The following RANBP2 variants were observed in gnomAD, a reference collection of about 807,000 sequenced individuals.
RANBP2 encodes the protein RAN binding protein 2, also known as E3 SUMO-protein ligase RanBP2.
A neutral mutation model predicts 303.6 loss-of-function variants in RANBP2; 57 were observed. That is an observed-to-expected ratio of 0.19 (90% CI 0.15 to 0.23). The LOEUF (loss-of-function observed/expected upper bound fraction) is 0.23. Among genes scored for constraint, RANBP2 ranks in the 10% least tolerant of loss-of-function variants. The pLI is 1.00. For missense variants in RANBP2, 3,138 were observed against 3,780.8 expected, an observed-to-expected ratio of 0.83 and a Z score of 4.46; for synonymous variants, 1,167 against 1,301.5, an observed-to-expected ratio of 0.90 and a Z score of 2.23.
the RANBP2 span, among the ~76,000 whole-genome samples, chr2:109,247,878 G>C: frequency 6.6e-6 from 1 of 152,308 alleles, no homozygotes; most frequent in East Asian, 1.9e-4. Flanking sequence ...CCAAAGGCTA[G>C]CCTGGGCGTC....
At chr2:109,500,913 G>A in the RANBP2 span, among the ~76,000 whole-genome samples, 1 of 152,182 alleles carries the variant, frequency 6.6e-6, no homozygotes, top group African/African-American at 2.4e-5. Context: ...TCATACCACG[G>A]CACTCCAGCC....
At chr2:109,748,834 C>T in the RANBP2 span, among the ~76,000 whole-genome samples, 1 of 145,038 alleles carries the variant, frequency 6.9e-6, no homozygotes, top group Non-Finnish European at 1.5e-5. Context: ...GATTGTGCCA[C>T]TGCATTCTGG....
At chr2:108,740,385 A>G in intron 6 of RANBP2, 104 bp from the exon 7 acceptor site, 4 of 1,530,950 alleles carry the variant, frequency 2.6e-6, no homozygotes, top group South Asian at 2.3e-5. Context: ...AATGTGGAAG[A>G]TGAAGCTTGA....
the RANBP2 span, among the ~76,000 whole-genome samples, chr2:108,932,140 C>G: frequency 6.6e-6 from 1 of 152,186 alleles, no homozygotes; most frequent in East Asian, 1.9e-4. Flanking sequence ...CAGGAACCTT[C>G]CCTCCCTTCC....
chr2:108,958,274 C>T, the RANBP2 span, among the ~76,000 whole-genome samples: 2 of 152,172 alleles, frequency 1.3e-5, no homozygotes, highest in African/African-American at 4.8e-5. Flanking sequence ...TGTTGAGACT[C>T]GCCTGTTTTC....
the RANBP2 span, among the ~76,000 whole-genome samples, chr2:109,694,213 T>G: frequency 6.6e-6 from 1 of 152,252 alleles, no homozygotes; most frequent in East Asian, 1.9e-4. Flanking sequence ...CTCAGGATAG[T>G]GAGTTCTCAC....
the RANBP2 span, among the ~76,000 whole-genome samples, chr2:109,612,142 A>T: frequency 1.3e-5 from 2 of 152,220 alleles, no homozygotes; most frequent in Non-Finnish European, 1.5e-5. Context: ...CAAACTGCAG[A>T]TATATGCAAC....
chr2:108,930,105 G>A, the RANBP2 span: 1 of 1,611,030 alleles, frequency 6.2e-7, no homozygotes, highest in Non-Finnish European at 8.5e-7. Flanking sequence ...GGCTCCAGGA[G>A]GGCTGGGTCC....
the RANBP2 span, among the ~76,000 whole-genome samples, chr2:109,683,760 T>C: frequency 1.3e-5 from 2 of 152,194 alleles, no homozygotes; most frequent in African/African-American, 4.8e-5. Context: ...CCCGACCTTT[T>C]GTGACTCCTC....
chr2:108,960,030 C>G, the RANBP2 span, among the ~76,000 whole-genome samples: 1 of 152,166 alleles, frequency 6.6e-6, no homozygotes, highest in Admixed American at 6.5e-5. Context: ...AACGTGGCCA[C>G]GGTGGCTCTG....
At chr2:109,447,147 T>TAA in the RANBP2 span, among the ~76,000 whole-genome samples, 121 of 82,692 alleles carry the variant, frequency 1.5e-3, 1 homozygote, top group African/African-American at 3.5e-3. Flanking sequence ...CCTGAATATT[T>TAA]AAAAAAAAAA....
chr2:109,114,885 T>C, the RANBP2 span, among the ~76,000 whole-genome samples: 1 of 152,238 alleles, frequency 6.6e-6, no homozygotes, highest in African/African-American at 2.4e-5. Context: ...TTCATTTCGT[T>C]ATGTACCCAG....
the RANBP2 span, among the ~76,000 whole-genome samples, chr2:108,901,928 A>G: frequency 6.6e-6 from 1 of 152,072 alleles, no homozygotes; most frequent in Non-Finnish European, 1.5e-5. Context: ...AGATGGTGAA[A>G]CCTCATTTCT....
At chr2:109,186,541 C>G in the RANBP2 span, among the ~76,000 whole-genome samples, 1 of 152,328 alleles carries the variant, frequency 6.6e-6, no homozygotes. Flanking sequence ...AAAGTCAATT[C>G]TGTTTTTGAC....
At chr2:109,399,040 G>A in the RANBP2 span, 2 of 1,332,208 alleles carry the variant, frequency 1.5e-6, no homozygotes, top group Non-Finnish European at 2.0e-6. Context: ...CTAGCATGGA[G>A]GCCGCCCCAG....
the RANBP2 span, among the ~76,000 whole-genome samples, chr2:109,414,816 C>T: frequency 6.6e-6 from 1 of 152,242 alleles, no homozygotes; most frequent in Non-Finnish European, 1.5e-5. Context: ...AGAAACTCGG[C>T]CCATGCTCCT....
the RANBP2 span, among the ~76,000 whole-genome samples, chr2:109,087,549 A>G: frequency 1.3e-5 from 2 of 152,206 alleles, no homozygotes; most frequent in Non-Finnish European, 2.9e-5. Flanking sequence ...GCAGCACAGC[A>G]TAAGGTCAAG....
At chr2:109,410,262 A>G in the RANBP2 span, among the ~76,000 whole-genome samples, 5 of 152,368 alleles carry the variant, frequency 3.3e-5, no homozygotes, top group Admixed American at 2.6e-4. Context: ...CACAGATGAC[A>G]GCCCAATCTT....
chr2:109,493,849 TACAA>T, the RANBP2 span, among the ~76,000 whole-genome samples: 1 of 152,034 alleles, frequency 6.6e-6, no homozygotes, highest in South Asian at 2.1e-4. Context: ...AACCACATAA[TACAA>T]ACACATATTC....
Sources: allele counts gnomAD v4.1 joint callset (sites outside exome capture counted in the v4.1 genomes callset), GRCh38; gene constraint gnomAD v4.1.1; transcripts MANE v1.5; gene names NCBI Gene and HGNC (gene_info 2026-07-23, HGNC 2026-07-21).